The following CNTN5 variants were observed in gnomAD, a reference collection of about 807,000 sequenced individuals.
The protein encoded by CNTN5 is contactin-5.
CNTN5 carries 77 observed loss-of-function variants against 129.1 expected under a neutral mutation model. The ratio of observed to expected loss-of-function variants is 0.60; its 90% CI spans 0.50 to 0.72. The LOEUF is 0.72. Among genes scored for constraint, CNTN5 ranks in the 30% least tolerant of loss-of-function variants. The pLI, the probability that CNTN5 is intolerant of heterozygous loss-of-function variation, is 0.00. For synonymous variants in CNTN5, 509 were observed against 465.6 expected (o/e 1.09, Z -1.20); for missense variants, 1,478 against 1,328.8 (o/e 1.11, Z -1.75).
At chr11:99,164,100 G>C (rs931701732) in intron 1 of CNTN5, among the ~76,000 whole-genome samples, 1 of 152,052 alleles carries the variant, frequency 6.6e-6, no homozygotes, top group Non-Finnish European at 1.5e-5. Context: ...GGCCAAGGCG[G>C]GTGGATCACG....
intron 1 of CNTN5, among the ~76,000 whole-genome samples, chr11:99,214,014 G>A (rs190958908): frequency 7.6e-4 from 116 of 152,118 alleles, no homozygotes; most frequent in Middle Eastern, 3.4e-3. Context: ...TAGCAATTGC[G>A]AGAATAAAAA....
chr11:99,838,256 T>A (rs1300172932), intron 4 of CNTN5, among the ~76,000 whole-genome samples: 1 of 152,226 alleles, frequency 6.6e-6, no homozygotes, highest in Non-Finnish European at 1.5e-5. Context: ...TTGGAAATGA[T>A]GCCTGAAATG....
At chr11:99,447,411 A>T (rs555262941) in intron 2 of CNTN5, among the ~76,000 whole-genome samples, 3 of 152,284 alleles carry the variant, frequency 2.0e-5, no homozygotes, top group African/African-American at 7.2e-5. Context: ...ATCCTCTTCT[A>T]TCATTGTGAG....
intron 9 of CNTN5, among the ~76,000 whole-genome samples, chr11:100,007,719 A>G (rs1422383866): frequency 4.6e-5 from 7 of 152,092 alleles, no homozygotes; most frequent in African/African-American, 1.7e-4. Context: ...TCTATCAGCA[A>G]TAAGCCTGTT....
intron 3 of CNTN5, among the ~76,000 whole-genome samples, chr11:99,680,574 G>A (rs984166070): frequency 2.0e-5 from 3 of 152,122 alleles, no homozygotes; most frequent in Non-Finnish European, 4.4e-5. Flanking sequence ...ACGGCTCATT[G>A]ACAGCATCCC....
intron 3 of CNTN5, among the ~76,000 whole-genome samples, chr11:99,729,608 A>G (rs576909672): frequency 9.2e-5 from 14 of 152,252 alleles, no homozygotes; most frequent in African/African-American, 2.2e-4. Context: ...GTCTTCCACA[A>G]TGGTAGAAGT....
At chr11:99,294,145 T>C (rs1864285886) in intron 1 of CNTN5, among the ~76,000 whole-genome samples, 1 of 152,162 alleles carries the variant, frequency 6.6e-6, no homozygotes, top group African/African-American at 2.4e-5. Context: ...ATGTTATTCC[T>C]AATTTTTTAA....
chr11:100,237,106 G>T (rs989758862), intron 16 of CNTN5, among the ~76,000 whole-genome samples: 22 of 150,248 alleles, frequency 1.5e-4, no homozygotes, highest in Admixed American at 1.1e-3. Flanking sequence ...GGAGAATGGC[G>T]TGAACCCGGG....
intron 3 of CNTN5, among the ~76,000 whole-genome samples, chr11:99,760,741 G>C (rs1406846822): frequency 6.6e-6 from 1 of 151,848 alleles, no homozygotes; most frequent in African/African-American, 2.4e-5. Flanking sequence ...ATGTTATACT[G>C]TTTTTCTTGT....
chr11:99,801,910 C>T (rs1946125570), intron 3 of CNTN5, among the ~76,000 whole-genome samples: 1 of 152,080 alleles, frequency 6.6e-6, no homozygotes, highest in African/African-American at 2.4e-5. Flanking sequence ...AAATTCTTAC[C>T]TGTCCTTGGC....
chr11:100,223,153 T>C (rs1949300653), intron 15 of CNTN5, among the ~76,000 whole-genome samples: 1 of 152,122 alleles, frequency 6.6e-6, no homozygotes, highest in Admixed American at 6.6e-5. Flanking sequence ...TGGACAAATA[T>C]CACATTCCTT....
chr11:99,940,645 A>G (rs1347129366), intron 7 of CNTN5, among the ~76,000 whole-genome samples: 1 of 152,146 alleles, frequency 6.6e-6, no homozygotes, highest in Non-Finnish European at 1.5e-5. Flanking sequence ...GGTGTATGAG[A>G]CAGTTCTTGT....
intron 8 of CNTN5, among the ~76,000 whole-genome samples, chr11:99,961,674 G>T (rs1202791144): frequency 6.6e-6 from 1 of 152,104 alleles, no homozygotes; most frequent in Non-Finnish European, 1.5e-5. Context: ...CTTCTCTATC[G>T]CTATATGCAA....
intron 1 of CNTN5, among the ~76,000 whole-genome samples, chr11:99,273,303 A>C (rs1863263160): frequency 6.6e-6 from 1 of 151,800 alleles, no homozygotes; most frequent in South Asian, 2.1e-4. Flanking sequence ...AACAAACTTA[A>C]TTTTATTTAA....
rs534653316 is a variant in CNTN5, at chr11:99,809,101, G to A, written c.56-10443G>A. 2.6e-5 allele frequency among the ~76,000 whole-genome samples: 4 copies of A among 152,230 alleles called. No homozygotes were observed. The South Asian group carries it at 6.2e-4, about 24-fold the overall frequency. Reference sequence around the variant, plus strand: ...CATCTGCCCAAGATAGTACCCATGTGGAGTGAGGACTCCCCCAGGCCCGGG... The same window carrying A: ...CATCTGCCCAAGATAGTACCCATGTAGAGTGAGGACTCCCCCAGGCCCGGG... On this transcript the variant is annotated intron_variant, in intron 3 of 24. Coordinates refer to ENST00000524871, the MANE Select transcript of CNTN5 (RefSeq NM_014361.4).
intron 6 of CNTN5, among the ~76,000 whole-genome samples, chr11:99,900,972 G>T (rs1351077097): frequency 6.6e-6 from 1 of 151,978 alleles, no homozygotes; most frequent in East Asian, 1.9e-4. Flanking sequence ...GTCGGCTCTG[G>T]CATCAGACAT....
intron 2 of CNTN5, among the ~76,000 whole-genome samples, chr11:99,509,984 C>T (rs1946774237): frequency 6.6e-6 from 1 of 151,552 alleles, no homozygotes; most frequent in Non-Finnish European, 1.5e-5. Context: ...GTCGCTTAAT[C>T]TCTCTTTGCC....
At chr11:99,310,424 ACT>A (rs75374476) in intron 1 of CNTN5, among the ~76,000 whole-genome samples, 3,659 of 152,150 alleles carry the variant, frequency 0.024, 320 homozygotes, top group East Asian at 0.24. Context: ...TCAATAAAAC[ACT>A]CTTAAATATT....
intron 18 of CNTN5, among the ~76,000 whole-genome samples, chr11:100,289,830 G>T (rs1478135074): frequency 8.0e-5 from 12 of 150,222 alleles, no homozygotes; most frequent in Non-Finnish European, 1.5e-4. Flanking sequence ...GTCCCTGTTT[G>T]CAGATGACAT....
Sources: gnomAD v4.1 joint callset for allele counts (sites outside exome capture counted in the v4.1 genomes callset) on GRCh38, gnomAD v4.1.1 for gene constraint, MANE v1.5 for transcripts, NCBI Gene and HGNC (gene_info 2026-07-23, HGNC 2026-07-21) for gene names.